The following AFG2A variants were observed in gnomAD, a reference collection of about 807,000 sequenced individuals.
AFG2A encodes AAA ATPase AFG2A, also known as ATPase family gene 2 protein homolog A.
the AFG2A span, among the ~76,000 whole-genome samples, chr4:123,103,575 G>C: frequency 6.6e-6 from 1 of 151,958 alleles, no homozygotes; most frequent in East Asian, 1.9e-4. Context: ...AAGTGATACT[G>C]TTTCATTTTT....
chr4:123,090,980 A>C, the AFG2A span, among the ~76,000 whole-genome samples: 5 of 152,226 alleles, frequency 3.3e-5, no homozygotes, highest in Non-Finnish European at 5.9e-5. Context: ...CTAGTCTCTC[A>C]AGGTTCAGGA....
At chr4:123,271,436 G>T in the AFG2A span, among the ~76,000 whole-genome samples, 4 of 152,280 alleles carry the variant, frequency 2.6e-5, no homozygotes, top group Non-Finnish European at 4.4e-5. Context: ...TTATTATCAA[G>T]AATTGAAGGC....
chr4:123,207,959 C>A, the AFG2A span, among the ~76,000 whole-genome samples: 7 of 152,028 alleles, frequency 4.6e-5, no homozygotes, highest in Non-Finnish European at 7.4e-5. Context: ...ATGCAAGGGG[C>A]CCCAAATAGC....
chr4:123,026,420 TACTA>T, the AFG2A span, among the ~76,000 whole-genome samples: 2 of 151,984 alleles, frequency 1.3e-5, no homozygotes, highest in African/African-American at 2.4e-5. Context: ...TAAAAAAAAA[TACTA>T]ACACGAACGA....
the AFG2A span, among the ~76,000 whole-genome samples, chr4:123,150,472 A>G: frequency 1.3e-5 from 2 of 152,214 alleles, no homozygotes; most frequent in Non-Finnish European, 2.9e-5. Context: ...GCATTCCTAT[A>G]CACCAATAAT....
chr4:123,111,216 T>G, the AFG2A span, among the ~76,000 whole-genome samples: 1 of 152,200 alleles, frequency 6.6e-6, no homozygotes, highest in Non-Finnish European at 1.5e-5. Context: ...TTTGGCCTTA[T>G]ATAGCTGTGA....
At chr4:123,062,491 A>T in the AFG2A span, among the ~76,000 whole-genome samples, 1 of 152,132 alleles carries the variant, frequency 6.6e-6, no homozygotes, top group Non-Finnish European at 1.5e-5. Context: ...TTCTGTTAAC[A>T]TAGTCAATGT....
At chr4:123,307,219 G>A in the AFG2A span, among the ~76,000 whole-genome samples, 1 of 152,050 alleles carries the variant, frequency 6.6e-6, no homozygotes, top group African/African-American at 2.4e-5. Context: ...GTTGCCCAGC[G>A]TGGCCTTGAA....
At chr4:123,050,784 G>C in the AFG2A span, among the ~76,000 whole-genome samples, 16 of 147,990 alleles carry the variant, frequency 1.1e-4, 2 homozygotes, top group South Asian at 3.4e-3. Flanking sequence ...TCGCCCTTTC[G>C]CCCAGACTGG....
chr4:123,130,553 C>T, the AFG2A span, among the ~76,000 whole-genome samples: 3,330 of 152,188 alleles, frequency 0.022, 68 homozygotes, highest in Non-Finnish European at 0.035. Context: ...TTTTATTTCA[C>T]ATGTTTTCGA....
At chr4:123,187,891 C>A in the AFG2A span, among the ~76,000 whole-genome samples, 4 of 151,452 alleles carry the variant, frequency 2.6e-5, no homozygotes, top group African/African-American at 9.7e-5. Context: ...AGCTACTCTG[C>A]AGGCTGAGGC....
chr4:123,143,929 G>A, the AFG2A span, among the ~76,000 whole-genome samples: 14 of 150,488 alleles, frequency 9.3e-5, no homozygotes, highest in Admixed American at 8.0e-4. Context: ...ACCAGCAACA[G>A]ACTACTGGTG....
chr4:123,232,230 G>A, the AFG2A span, among the ~76,000 whole-genome samples: 1 of 151,968 alleles, frequency 6.6e-6, no homozygotes, highest in Non-Finnish European at 1.5e-5. Context: ...GTCAAAGAAT[G>A]GGTGGAACAG....
chr4:122,964,221 C>T, the AFG2A span, among the ~76,000 whole-genome samples: 3 of 151,910 alleles, frequency 2.0e-5, no homozygotes, highest in East Asian at 1.9e-4. Flanking sequence ...AAAGTAATTG[C>T]GGCTGGGCAT....
the AFG2A span, among the ~76,000 whole-genome samples, chr4:123,142,102 G>A: frequency 3.3e-5 from 5 of 152,046 alleles, no homozygotes; most frequent in African/African-American, 9.7e-5. Flanking sequence ...ATATTTTTGC[G>A]AAGAATTTAG....
chr4:122,974,806 A>G, the AFG2A span, among the ~76,000 whole-genome samples: 2 of 151,856 alleles, frequency 1.3e-5, no homozygotes, highest in East Asian at 3.9e-4. Context: ...ACACCCGGCT[A>G]ATTTTGTATT....
chr4:123,293,065 T>C, the AFG2A span, among the ~76,000 whole-genome samples: 1 of 152,210 alleles, frequency 6.6e-6, no homozygotes, highest in African/African-American at 2.4e-5. Context: ...CGCAATGTTC[T>C]GGATATTCAG....
At chr4:123,103,025 C>A in the AFG2A span, among the ~76,000 whole-genome samples, 1 of 151,786 alleles carries the variant, frequency 6.6e-6, no homozygotes, top group Admixed American at 6.6e-5. Context: ...ATTTTGACTT[C>A]TCTGTTTTCT....
chr4:122,926,936 T>C, the AFG2A span, among the ~76,000 whole-genome samples: 6,257 of 152,032 alleles, frequency 0.041, 421 homozygotes, highest in African/African-American at 0.14. Context: ...ATGAATATTA[T>C]GGTAAATGCT....
Sources: gnomAD v4.1 joint callset for allele counts (sites outside exome capture counted in the v4.1 genomes callset) on GRCh38, gnomAD v4.1.1 for gene constraint, MANE v1.5 for transcripts, NCBI Gene and HGNC (gene_info 2026-07-23, HGNC 2026-07-21) for gene names.